FAM20B: variants seen among roughly 807,000 people sequenced by gnomAD.
FAM20B encodes FAM20B glycosaminoglycan xylosylkinase.
In FAM20B, 23 loss-of-function variants were observed where a neutral mutation model predicts 43.8. The observed-to-expected ratio is 0.53, with a 90% CI of 0.38 to 0.74. The LOEUF (loss-of-function observed/expected upper bound fraction) is 0.74. Ranked by LOEUF, FAM20B falls within the 30% of genes least tolerant of loss-of-function variation. The pLI is 0.00. For synonymous variants in FAM20B, 178 were observed against 192.4 expected (o/e 0.93, Z 0.62); for missense variants, 440 against 510.5 (o/e 0.86, Z 1.33).
At chr1:179,049,380 C>T (rs1336277688) in intron 2 of FAM20B, among the ~76,000 whole-genome samples, 1 of 151,968 alleles carries the variant, frequency 6.6e-6, no homozygotes. Context: ...CCTTGTAGTA[C>T]GTCATCATAA....
intron 4 of FAM20B, among the ~76,000 whole-genome samples, chr1:179,054,853 A>G (rs1651146409): frequency 6.6e-6 from 1 of 152,194 alleles, no homozygotes; most frequent in African/African-American, 2.4e-5. Flanking sequence ...GTTGTCTGTG[A>G]CATAGGGAGT....
Position 179,064,413 on chromosome 1 carries a change from T to A in FAM20B, c.855T>A (p.Ile285=). 12 of 1,614,150 alleles carry A rather than the reference T, an allele frequency of 7.4e-6. No individual in the cohort carries two copies. Among genetic ancestry groups the A allele is most frequent in the Non-Finnish European group, 1.0e-5 (12 of 1,179,998 alleles). Residue 285 remains isoleucine, a synonymous_variant, in exon 6 of 8, where the codon ATT becomes ATA. Coordinates refer to ENST00000263733, the MANE Select transcript of FAM20B (RefSeq NM_014864.4). The part of the protein sequence containing the change: ...IIDTAVFDYL[I]GNADRHHYES... ...ACACAGCTGTCTTTGATTACCTGAT[T>A]GGCAATGCTGACCGCCATCACTATG...
chr1:179,018,784 T>G, the FAM20B span, among the ~76,000 whole-genome samples: 1 of 152,220 alleles, frequency 6.6e-6, no homozygotes, highest in South Asian at 2.1e-4. Context: ...ATAGGATCTA[T>G]GTATACATAT....
chr1:179,035,811 T>G (rs1252287100), intron 1 of FAM20B, among the ~76,000 whole-genome samples: 2 of 147,772 alleles, frequency 1.4e-5, no homozygotes, highest in African/African-American at 5.2e-5. Flanking sequence ...TGAGTGTGTT[T>G]GTGTGTGTGT....
At position 179,055,972 on chromosome 1, in the gene FAM20B, C is replaced by T. The variant is rs567442183; in HGVS notation, c.574+1334C>T. On this transcript the variant is annotated intron_variant, in intron 4 of 7. Transcript: ENST00000263733. ...TTGTTGTTATTGTTGTGTTTTTAGA[C>T]TTTATTGTTTTTAGAGCAGCTTTAG... 2.6e-5 allele frequency among the ~76,000 whole-genome samples: 4 copies of T among 152,264 alleles called. No individual in the cohort carries two copies. The South Asian group carries it at 8.3e-4, about 32-fold the overall frequency.
intron 1 of FAM20B, among the ~76,000 whole-genome samples, chr1:179,026,674 G>T (rs1370691233): frequency 6.6e-6 from 1 of 152,242 alleles, no homozygotes; most frequent in Non-Finnish European, 1.5e-5. Context: ...TGCGCCGGGC[G>T]CTCGCAGAAG....
intron 4 of FAM20B, among the ~76,000 whole-genome samples, chr1:179,055,149 A>G (rs754146582): frequency 4.6e-5 from 7 of 152,196 alleles, no homozygotes; most frequent in South Asian, 2.1e-4. Context: ...GGGTTAACCT[A>G]TAACTCATTG....
At chr1:179,061,074 G>A (rs1024282154) in intron 4 of FAM20B, among the ~76,000 whole-genome samples, 2 of 122,380 alleles carry the variant, frequency 1.6e-5, no homozygotes, top group East Asian at 4.6e-4. Context: ...ACTCTTTGTC[G>A]AATTTTTTTT....
chr1:179,072,549 C>A lies in FAM20B; in HGVS notation c.*405C>A. On this transcript the variant is annotated 3_prime_UTR_variant, in exon 8 of 8. Coordinates refer to ENST00000263733, the MANE Select transcript of FAM20B (RefSeq NM_014864.4). ...GGATTTTGTGGAAACACTTTGCAAT[C>A]TCTTTGTCTTTTTTTTTTTTACCAG... The A allele has an allele frequency of 7.8e-6, 1 of 128,510 alleles. No individual in the cohort carries two copies. Among genetic ancestry groups the A allele is most frequent in the South Asian group, 1.8e-4 (1 of 5,440 alleles). The allele number at this position is 128,510 out of a possible 1,614,324, so 8.0% of individuals were successfully genotyped here.
intron 1 of FAM20B, among the ~76,000 whole-genome samples, chr1:179,041,399 A>G (rs1291626761): frequency 1.3e-5 from 2 of 152,052 alleles, no homozygotes; most frequent in South Asian, 2.1e-4. Context: ...TCCGTCTGCA[A>G]TCCCGGCACG....
intron 3 of FAM20B, among the ~76,000 whole-genome samples, chr1:179,053,851 T>C (rs1651108594): frequency 1.3e-5 from 2 of 152,206 alleles, no homozygotes. Context: ...AGCATGCTTA[T>C]ATGCCAGAAT....
chr1:179,018,315 C>CT, the FAM20B span, among the ~76,000 whole-genome samples: 1 of 151,580 alleles, frequency 6.6e-6, no homozygotes, highest in Admixed American at 6.6e-5. Context: ...TACCAAAGAT[C>CT]TTTTTTTTTG....
chr1:179,023,671 T>C (rs1331014731), upstream of FAM20B, among the ~76,000 whole-genome samples: 1 of 152,238 alleles, frequency 6.6e-6, no homozygotes, highest in African/African-American at 2.4e-5. Flanking sequence ...CTGCTGAAGA[T>C]GGCGGCTGTA....
At chr1:179,060,300 ATGT>A (rs1311139078) in intron 4 of FAM20B, among the ~76,000 whole-genome samples, 1 of 152,186 alleles carries the variant, frequency 6.6e-6, no homozygotes. Context: ...TTGGACTTAA[ATGT>A]TGTTCCAATA....
intron 4 of FAM20B, among the ~76,000 whole-genome samples, chr1:179,058,359 T>G (rs1651313612): frequency 6.6e-6 from 1 of 152,208 alleles, no homozygotes; most frequent in Non-Finnish European, 1.5e-5. Flanking sequence ...GAAATGCTAA[T>G]TTTTAGTAGA....
At chr1:179,069,732 C>T (rs1420079528) in intron 7 of FAM20B, among the ~76,000 whole-genome samples, 1 of 152,162 alleles carries the variant, frequency 6.6e-6, no homozygotes, top group Non-Finnish European at 1.5e-5. Context: ...ATAACTTAGT[C>T]TCACAGAGGA....
intron 3 of FAM20B, 22 bp from the exon 4 acceptor site, chr1:179,054,507 G>A (rs773385084): frequency 6.7e-7 from 1 of 1,492,462 alleles, no homozygotes; most frequent in Non-Finnish European, 9.3e-7. Flanking sequence ...TTTCTCTTCT[G>A]TTCTTCAATC....
At chr1:179,069,686 T>C (rs1409102497) in intron 7 of FAM20B, among the ~76,000 whole-genome samples, 1 of 152,044 alleles carries the variant, frequency 6.6e-6, no homozygotes, top group African/African-American at 2.4e-5. Flanking sequence ...GAGCATATTT[T>C]GAAGAGTGAA....
At chr1:179,063,716 G>A (rs1050836534) in intron 4 of FAM20B, among the ~76,000 whole-genome samples, 4 of 152,178 alleles carry the variant, frequency 2.6e-5, no homozygotes, top group Admixed American at 1.3e-4. Flanking sequence ...TTACTTTTGG[G>A]TGTATATCCT....
Sources: gnomAD v4.1 joint callset for allele counts (sites outside exome capture counted in the v4.1 genomes callset) on GRCh38, gnomAD v4.1.1 for gene constraint, MANE v1.5 for transcripts, NCBI Gene and HGNC (gene_info 2026-07-23, HGNC 2026-07-21) for gene names.